Variants in NUP155 observed in about 807,000 individuals in gnomAD.
NUP155 encodes the protein nucleoporin 155.
A neutral mutation model predicts 180.4 loss-of-function variants in NUP155; 71 were observed. The ratio of observed to expected loss-of-function variants is 0.39; its 90% CI spans 0.33 to 0.48. The LOEUF is 0.48. NUP155 is among the 20% of genes least tolerant of loss of function. The probability of loss-of-function intolerance (pLI) is 0.91; values close to 1 mark genes in which losing one functional copy is unlikely to be tolerated. For missense variants in NUP155, 1,553 were observed against 1,648.9 expected, an observed-to-expected ratio of 0.94 and a Z score of 1.01; for synonymous variants, 582 against 559.5, an observed-to-expected ratio of 1.04 and a Z score of -0.57.
intron 3 of NUP155, among the ~76,000 whole-genome samples, chr5:37,363,162 T>A (rs916932563): frequency 6.6e-6 from 1 of 152,186 alleles, no homozygotes; most frequent in African/African-American, 2.4e-5. Context: ...TCCACCCACC[T>A]CAGCCTCCCA....
intron 9 of NUP155, among the ~76,000 whole-genome samples, chr5:37,347,117 G>A (rs1200721513): frequency 3.3e-5 from 5 of 152,000 alleles, no homozygotes; most frequent in East Asian, 1.9e-4. Flanking sequence ...AGTCCTAGCC[G>A]CTCGGGAGGC....
chr5:37,343,100 A>C (rs938153474), intron 9 of NUP155, among the ~76,000 whole-genome samples: 1 of 149,516 alleles, frequency 6.7e-6, no homozygotes, highest in Non-Finnish European at 1.5e-5. Context: ...TTTGAGACGG[A>C]GTCTTGCTCT....
At chr5:37,292,739 T>A (rs1318789757) in intron 34 of NUP155, 140 bp downstream of exon 34, 1 of 639,128 alleles carries the variant, frequency 1.6e-6, no homozygotes, top group African/African-American at 1.8e-5. Flanking sequence ...CTATTTTTCA[T>A]ACATGGTGAT....
chr5:37,314,236 C>G lies in NUP155; in HGVS notation c.2398G>C (p.Glu800Gln), dbSNP rs1454512119. 2.5e-6 allele frequency: 4 copies of G among 1,610,508 alleles called. No homozygotes were observed. The highest frequency in any genetic ancestry group is 3.4e-6 in the Non-Finnish European group (4 of 1,177,382). The change falls in exon 22 of 35, where the codon GAA becomes CAA. Residue 800 changes from glutamate (E) to glutamine (Q), a missense_variant. Transcript: ENST00000231498. Reference sequence around the variant, plus strand: ...GCCACAATGATAGTGAATTGATGTTCACAAAGAAGTTTCCATAAAGCCAGA... The same window carrying G: ...GCCACAATGATAGTGAATTGATGTTGACAAAGAAGTTTCCATAAAGCCAGA... The part of the protein sequence containing the change: ...QALALWKLLC[E>Q]HQFTIIVAEL...
intron 27 of NUP155, 74 bp from the exon 28 acceptor site, chr5:37,303,488 T>A: frequency 8.0e-7 from 1 of 1,250,856 alleles, no homozygotes; most frequent in South Asian, 1.2e-5. Flanking sequence ...GAAAATATAG[T>A]ATTTTTAAGT....
chr5:37,305,035 GA>G (rs1561770495), intron 26 of NUP155, 21 bp downstream of exon 26: 2 of 1,611,978 alleles, frequency 1.2e-6, no homozygotes, highest in Non-Finnish European at 8.5e-7. Flanking sequence ...TTCTCAGAAT[GA>G]AAATATACTA....
chr5:37,296,894 T>C (rs1302995181), intron 32 of NUP155, among the ~76,000 whole-genome samples: 1 of 152,138 alleles, frequency 6.6e-6, no homozygotes, highest in Non-Finnish European at 1.5e-5. Flanking sequence ...TTTATAGTTA[T>C]GGCCAGGCGT....
At chr5:37,357,865 C>T (rs1291716685) in intron 4 of NUP155, among the ~76,000 whole-genome samples, 6 of 151,904 alleles carry the variant, frequency 3.9e-5, no homozygotes, top group Non-Finnish European at 7.4e-5. Context: ...TGGTGGCGCA[C>T]GCCCGTAATC....
At chr5:37,304,987 T>C in intron 26 of NUP155, 70 bp downstream of exon 26, 1 of 1,569,692 alleles carries the variant, frequency 6.4e-7, no homozygotes, top group East Asian at 2.2e-5. Flanking sequence ...CCAAGATGAC[T>C]GTGCTACCAT....
At chr5:37,313,941 G>A (rs971366106) in intron 22 of NUP155, among the ~76,000 whole-genome samples, 8 of 152,114 alleles carry the variant, frequency 5.3e-5, no homozygotes, top group African/African-American at 1.9e-4. Context: ...CTCAAATAAA[G>A]GGTAAAGTCC....
chr5:37,329,348 C>A, intron 15 of NUP155, 70 bp from the exon 16 acceptor site: 1 of 1,227,604 alleles, frequency 8.1e-7, no homozygotes, highest in Non-Finnish European at 1.2e-6. Flanking sequence ...TGGAATTGTT[C>A]CTTTTCCTGT....
At position 37,294,413 on chromosome 5, in the gene NUP155, C is replaced by G. The variant is rs938047112; in HGVS notation, c.3846G>C (p.Val1282=). The part of the protein sequence containing the change: ...EQQVCTLNWD[V]GFVIQTMNEI... The stretch of plus-strand genomic sequence containing the variant: ...CATTCATTGTCTGTATTACGAAGCC[C>G]ACATCCCAGTTCAAAGTACAAACCT... The change falls in exon 33 of 35, where the codon GTG becomes GTC. Residue 1282 remains valine, a synonymous_variant. Transcript: ENST00000231498. 5 of 1,612,572 alleles carry G rather than the reference C, an allele frequency of 3.1e-6. No homozygotes were observed. Among genetic ancestry groups the G allele is most frequent in the Non-Finnish European group, 4.2e-6 (5 of 1,178,760 alleles).
At chr5:37,339,127 C>T (rs1452657523) in intron 11 of NUP155, among the ~76,000 whole-genome samples, 1 of 151,870 alleles carries the variant, frequency 6.6e-6, no homozygotes, top group Non-Finnish European at 1.5e-5. Flanking sequence ...CCAGCAGTTT[C>T]GGAGGCTGAG....
chr5:37,333,580 C>A lies in NUP155; in HGVS notation c.1401G>T (p.Leu467Phe). 2 of 1,613,668 alleles carry A rather than the reference C, an allele frequency of 1.2e-6. No individual in the cohort carries two copies. The highest frequency in any genetic ancestry group is 1.7e-6 in the Non-Finnish European group (2 of 1,179,660). ...HSWALSAIDE[L>F]KVDKIITPLN... is the part of the protein sequence containing the mutation. ...AAGGTGTAATTATTTTATCTACTTT[C>A]AATTCATCTATCGCAGAAAGAGCCC... The change falls in exon 13 of 35, where the codon TTG (leucine) becomes TTT (phenylalanine). Residue 467 changes from leucine to phenylalanine, a missense_variant. By Grantham distance (22) the Leu-to-Phe change is conservative. Coordinates refer to ENST00000231498, the MANE Select transcript of NUP155 (RefSeq NM_153485.3).
At position 37,351,298 on chromosome 5, in the gene NUP155, T is replaced by C. The variant is rs770527392; in HGVS notation, c.615A>G (p.Leu205=). 1.9e-5 allele frequency: 30 copies of C among 1,612,954 alleles called. No individual in the cohort carries two copies. Among genetic ancestry groups the C allele is most frequent in the Non-Finnish European group, 2.5e-5 (29 of 1,179,156 alleles). Residue 205 remains leucine, a synonymous_variant, in exon 6 of 35, where the codon TTA becomes TTG. Coordinates refer to ENST00000231498, the MANE Select transcript of NUP155 (RefSeq NM_153485.3). ...SGGMQLLPDP[L]YSLPTDNTYL... is the part of the protein sequence containing the mutation. ...AAGTATTATCAGTAGGAAGAGAATA[T>C]AAAGGATCTGGAAGCAACTGCATTC...
At chr5:37,301,281 T>C (rs1296435801) in intron 30 of NUP155, 156 bp downstream of exon 30, 2 of 605,294 alleles carry the variant, frequency 3.3e-6, no homozygotes, top group Non-Finnish European at 3.0e-6. Context: ...GATGAAGCAG[T>C]GGTGATCTGT....
At chr5:37,297,385 T>C (rs1313165212) in intron 32 of NUP155, among the ~76,000 whole-genome samples, 2 of 152,116 alleles carry the variant, frequency 1.3e-5, no homozygotes, top group African/African-American at 4.8e-5. Context: ...CAGTGTTATT[T>C]ATTTATTTAT....
Position 37,289,734 on chromosome 5 carries a change from CAT to C in NUP155, c.*2164_*2165del, listed in dbSNP as rs1273293232. 1 of 152,196 alleles carries C rather than the reference CAT, an allele frequency of 6.6e-6. No homozygotes were observed. Among genetic ancestry groups the C allele is most frequent in the African/African-American group, 2.4e-5 (1 of 41,454 alleles). The allele number at this position is 152,196 out of a possible 1,614,324, so 9.4% of individuals were successfully genotyped here. A position where few individuals can be genotyped will look rare whatever the true frequency, so the allele number is the denominator to read the frequency against. On this transcript the variant is annotated 3_prime_UTR_variant, in exon 35 of 35. Coordinates refer to ENST00000231498, the MANE Select transcript of NUP155 (RefSeq NM_153485.3). ...GTTGTGAGCTGAGTATATATAACAA[CAT>C]ATTGCTAGTATGTAAATGTGCTTAA... is the stretch of plus-strand genomic sequence containing the variant.
chr5:37,298,116 G>A (rs540743802), intron 32 of NUP155, among the ~76,000 whole-genome samples: 7 of 151,958 alleles, frequency 4.6e-5, no homozygotes, highest in Admixed American at 1.3e-4. Flanking sequence ...GCAGGCACCT[G>A]TAATCCCACC....
Sources: gnomAD v4.1 joint callset for allele counts (sites outside exome capture counted in the v4.1 genomes callset) on GRCh38, gnomAD v4.1.1 for gene constraint, MANE v1.5 for transcripts, NCBI Gene and HGNC (gene_info 2026-07-23, HGNC 2026-07-21) for gene names.